The following FAT3 variants were observed in gnomAD, a reference collection of about 807,000 sequenced individuals.
The protein encoded by FAT3 is FAT atypical cadherin 3.
In FAT3, 95 loss-of-function variants were observed where a neutral mutation model predicts 310.2. The ratio of observed to expected loss-of-function variants is 0.31; its 90% CI spans 0.26 to 0.36. The LOEUF (loss-of-function observed/expected upper bound fraction) is 0.36. Ranked by LOEUF, FAT3 falls within the 10% of genes least tolerant of loss-of-function variation. The pLI, the probability that FAT3 is intolerant of heterozygous loss-of-function variation, is 1.00. For synonymous variants in FAT3, 2,314 were observed against 2,192.9 expected, an observed-to-expected ratio of 1.06 and a Z score of -1.54; for missense variants, 5,408 against 5,715.6, an observed-to-expected ratio of 0.95 and a Z score of 1.74.
At chr11:92,714,923 G>C (rs779864800) in intron 4 of FAT3, among the ~76,000 whole-genome samples, 5 of 151,976 alleles carry the variant, frequency 3.3e-5, no homozygotes, top group Non-Finnish European at 7.4e-5. Flanking sequence ...TTATTTTATT[G>C]CTTCATTAAA....
chr11:92,750,313 C>G (rs1043621458), intron 4 of FAT3, among the ~76,000 whole-genome samples: 26 of 151,960 alleles, frequency 1.7e-4, no homozygotes, highest in Non-Finnish European at 2.9e-5. Flanking sequence ...AAGGAAGGTG[C>G]AGAGTACTAT....
At chr11:92,572,421 G>T (rs995741597) in intron 3 of FAT3, among the ~76,000 whole-genome samples, 2 of 152,130 alleles carry the variant, frequency 1.3e-5, no homozygotes, top group African/African-American at 4.8e-5. Flanking sequence ...TGGATAGTTC[G>T]ATATTTTCTC....
At chr11:92,593,186 AT>A (rs34562266) in intron 3 of FAT3, among the ~76,000 whole-genome samples, 54,578 of 151,342 alleles carry the variant, frequency 0.36, 10,217 homozygotes, top group African/African-American at 0.45. Flanking sequence ...TGCATACCAC[AT>A]TTTTTTTTAT....
At chr11:92,416,271 C>G (rs985441947) in intron 2 of FAT3, among the ~76,000 whole-genome samples, 1 of 149,660 alleles carries the variant, frequency 6.7e-6, no homozygotes, top group Non-Finnish European at 1.5e-5. Flanking sequence ...GTAACCCCAG[C>G]TACTCGGGAG....
intron 13 of FAT3, among the ~76,000 whole-genome samples, chr11:92,830,302 TCAATAATTAATTGGTTGTTAATAGA>T (rs1043471741): frequency 6.6e-6 from 1 of 152,250 alleles, no homozygotes; most frequent in African/African-American, 2.4e-5. Context: ...CAACCGTTAT[TCAATAATTAATTGGTTGTTAATAGA>T]CATTTCCTAG....
At chr11:92,368,903 T>C (rs7110349) in intron 2 of FAT3, among the ~76,000 whole-genome samples, 21 of 76,364 alleles carry the variant, frequency 2.7e-4, no homozygotes, top group East Asian at 1.9e-3. Context: ...CACACACACA[T>C]ATATATATAC....
intron 1 of FAT3, among the ~76,000 whole-genome samples, chr11:92,247,176 G>A (rs1390494993): frequency 6.6e-6 from 1 of 152,072 alleles, no homozygotes; most frequent in Non-Finnish European, 1.5e-5. Context: ...AGCTGAATGA[G>A]TGTAGTCAGG....
chr11:92,420,972 C>T (rs965392572), intron 2 of FAT3, among the ~76,000 whole-genome samples: 5 of 151,862 alleles, frequency 3.3e-5, no homozygotes, highest in African/African-American at 1.2e-4. Flanking sequence ...CATAAAATAC[C>T]CAGTTTGATT....
chr11:92,875,359 T>G, intron 22 of FAT3, among the ~76,000 whole-genome samples: 1 of 36,692 alleles, frequency 2.7e-5, no homozygotes, highest in African/African-American at 7.8e-5. Flanking sequence ...GAATGGGTAA[T>G]GAAGTGTGGT....
chr11:92,372,777 C>T (rs1304614188), intron 2 of FAT3, among the ~76,000 whole-genome samples: 1 of 152,102 alleles, frequency 6.6e-6, no homozygotes, highest in African/African-American at 2.4e-5. Context: ...TCTCCTGCCT[C>T]AGCCTCCTGA....
At chr11:92,226,277 G>T (rs2134213239) in intron 1 of FAT3, among the ~76,000 whole-genome samples, 1 of 152,320 alleles carries the variant, frequency 6.6e-6, no homozygotes, top group African/African-American at 2.4e-5. Context: ...GCTGTGATCT[G>T]AATTCCCTCC....
chr11:92,335,425 G>A (rs2134555438), intron 1 of FAT3, among the ~76,000 whole-genome samples: 1 of 152,142 alleles, frequency 6.6e-6, no homozygotes, highest in South Asian at 2.1e-4. Flanking sequence ...GCATGTCCTT[G>A]GGTTTAAGTG....
chr11:92,572,265 A>G (rs772109869), intron 3 of FAT3, among the ~76,000 whole-genome samples: 1 of 152,222 alleles, frequency 6.6e-6, no homozygotes, highest in Non-Finnish European at 1.5e-5. Context: ...TACTTAGGTT[A>G]CAGTATCATT....
intron 3 of FAT3, among the ~76,000 whole-genome samples, chr11:92,662,563 A>G (rs1942822101): frequency 6.6e-6 from 1 of 152,184 alleles, no homozygotes; most frequent in Non-Finnish European, 1.5e-5. Flanking sequence ...AAAAATCACT[A>G]AAAACATCTA....
chr11:92,540,270 G>A (rs552771310), intron 3 of FAT3, among the ~76,000 whole-genome samples: 56 of 152,234 alleles, frequency 3.7e-4, no homozygotes, highest in African/African-American at 1.3e-3. Context: ...AGGCTCTGAA[G>A]GGTGACCTTG....
At chr11:92,368,351 A>C (rs1366064426) in intron 2 of FAT3, among the ~76,000 whole-genome samples, 1 of 152,218 alleles carries the variant, frequency 6.6e-6, no homozygotes, top group Non-Finnish European at 1.5e-5. Flanking sequence ...AAAAACTTCT[A>C]TCAAGTTTCT....
In FAT3 at chr11:92,315,479, G is replaced by GTATATATA. The variant is rs1168085335; in HGVS notation, c.-17-36590_-17-36583dup. On this transcript the variant is annotated intron_variant, in intron 1 of 27. Coordinates refer to ENST00000525166, the MANE Select transcript of FAT3 (RefSeq NM_001367949.2). ...TATGTGTGTGTGTGTGTGTGTGTGT[G>GTATATATA]TATATATATATATATATATATATAT... 1.8e-3 allele frequency among the ~76,000 whole-genome samples: 117 copies of GTATATATA among 65,136 alleles called. 2 individuals are homozygous for GTATATATA. The highest frequency in any genetic ancestry group is 2.8e-3 in the Non-Finnish European group (94 of 33,108). The allele number at this position is 65,136 out of a possible 152,430, so 42.7% of individuals were successfully genotyped here. A position where few individuals can be genotyped will look rare whatever the true frequency, so the allele number is the denominator to read the frequency against.
At chr11:92,780,977 A>T (rs1946732612) in intron 7 of FAT3, among the ~76,000 whole-genome samples, 1 of 152,168 alleles carries the variant, frequency 6.6e-6, no homozygotes, top group South Asian at 2.1e-4. Context: ...TGGCTCTTTC[A>T]AAGAGTTAAT....
At position 92,836,720 on chromosome 11, in the gene FAT3, C is replaced by G. The variant is rs1382236260; in HGVS notation, c.10224+17C>G. On this transcript the variant is annotated intron_variant, in intron 16 of 27. Transcript: ENST00000525166. ...CGGGAACGGGTAAGCTAGTTTAGGA[C>G]AGTTTCCTTCCCATCCACATCCACC... 13 of 1,608,540 alleles carry G rather than the reference C, an allele frequency of 8.1e-6. No individual in the cohort carries two copies. The African/African-American group carries it at 1.6e-4, about 20-fold the overall frequency.
Sources: allele counts gnomAD v4.1 joint callset (sites outside exome capture counted in the v4.1 genomes callset), GRCh38; gene constraint gnomAD v4.1.1; transcripts MANE v1.5; gene names NCBI Gene and HGNC (gene_info 2026-07-23, HGNC 2026-07-21).